SEMA5A: variants seen among roughly 807,000 people sequenced by gnomAD.
The protein encoded by SEMA5A is semaphorin-5A.
A neutral mutation model predicts 135.5 loss-of-function variants in SEMA5A; 55 were observed. The ratio of observed to expected loss-of-function variants is 0.41; its 90% CI spans 0.33 to 0.51. SEMA5A has a LOEUF of 0.51. Ranked by LOEUF, SEMA5A falls within the 20% of genes least tolerant of loss-of-function variation. SEMA5A has a pLI of 0.37. For synonymous variants in SEMA5A, 580 were observed against 546.5 expected (o/e 1.06, Z -0.85); for missense variants, 1,290 against 1,419.9 (o/e 0.91, Z 1.47).
chr5:9,221,227 G>A (rs1746935933), intron 8 of SEMA5A, among the ~76,000 whole-genome samples: 1 of 151,988 alleles, frequency 6.6e-6, no homozygotes, highest in African/African-American at 2.4e-5. Context: ...CAGAACTAAG[G>A]GTGTTTGTTT....
chr5:9,400,501 A>ATTTTTTTTT lies in SEMA5A; in HGVS notation c.-77-20487_-77-20479dup, dbSNP rs1215358817. Among the ~76,000 whole-genome samples the ATTTTTTTTT allele has an allele frequency of 6.9e-5, 6 of 87,040 alleles. 1 individual carries two copies. The highest frequency in any genetic ancestry group is 2.8e-4 in the Admixed American group (2 of 7,194). The allele number at this position is 87,040 out of a possible 152,430, so 57.1% of individuals were successfully genotyped here. A position where few individuals can be genotyped will look rare whatever the true frequency, so the allele number is the denominator to read the frequency against. On this transcript the variant is annotated intron_variant, in intron 2 of 22. Coordinates refer to ENST00000382496, the MANE Select transcript of SEMA5A (RefSeq NM_003966.3). ...CTTCAATAGTTTGAACACAATGTACATTTTTTTTTTTTTTTTTTTTTTTGA... is the reference window on the plus strand; with the variant it reads ...CTTCAATAGTTTGAACACAATGTACATTTTTTTTTTTTTTTTTTTTTTTTTTTTTTTTGA...
At chr5:9,155,863 A>G (rs1742926583) in intron 11 of SEMA5A, among the ~76,000 whole-genome samples, 1 of 152,232 alleles carries the variant, frequency 6.6e-6, no homozygotes, top group Non-Finnish European at 1.5e-5. Context: ...GCCTGAATTT[A>G]CTTTAAAAAG....
At chr5:9,308,545 T>C (rs1751978191) in intron 5 of SEMA5A, among the ~76,000 whole-genome samples, 2 of 152,158 alleles carry the variant, frequency 1.3e-5, no homozygotes, top group South Asian at 4.1e-4. Context: ...ATCACATGCT[T>C]GAGAACCCCT....
chr5:9,347,002 T>C (rs1335848263), intron 3 of SEMA5A, among the ~76,000 whole-genome samples: 6 of 151,950 alleles, frequency 3.9e-5, no homozygotes. Flanking sequence ...AAAAATTATC[T>C]CAAAAAATGT....
intron 13 of SEMA5A, among the ~76,000 whole-genome samples, chr5:9,133,685 AG>A (rs1317986668): frequency 6.6e-6 from 1 of 152,182 alleles, no homozygotes; most frequent in East Asian, 1.9e-4. Context: ...TAAGGTCAGA[AG>A]GCAACAAGGA....
intron 2 of SEMA5A, among the ~76,000 whole-genome samples, chr5:9,405,399 A>G (rs149852643): frequency 3.7e-4 from 57 of 152,342 alleles, no homozygotes; most frequent in African/African-American, 1.2e-3. Context: ...AGCAATGTCT[A>G]AAGTCCAAAG....
intron 11 of SEMA5A, among the ~76,000 whole-genome samples, chr5:9,180,754 GA>G (rs774897913): frequency 1.3e-5 from 2 of 150,482 alleles, no homozygotes; most frequent in African/African-American, 2.5e-5. Flanking sequence ...TTTTAGATAG[GA>G]ACCTGAAAAC....
intron 16 of SEMA5A, among the ~76,000 whole-genome samples, chr5:9,073,042 A>G (rs1158165935): frequency 2.6e-5 from 4 of 152,228 alleles, no homozygotes; most frequent in Non-Finnish European, 4.4e-5. Flanking sequence ...TGTAACATAC[A>G]AAATATTTGC....
intron 3 of SEMA5A, among the ~76,000 whole-genome samples, chr5:9,345,913 A>G (rs1753845085): frequency 6.6e-6 from 1 of 152,212 alleles, no homozygotes; most frequent in African/African-American, 2.4e-5. Flanking sequence ...ATACATATAG[A>G]CACACATATA....
At chr5:9,307,791 A>G (rs1337159668) in intron 5 of SEMA5A, among the ~76,000 whole-genome samples, 1 of 152,174 alleles carries the variant, frequency 6.6e-6, no homozygotes, top group Non-Finnish European at 1.5e-5. Flanking sequence ...AGATAAATGA[A>G]ATGAACTCCT....
chr5:9,094,002 C>G (rs1236723818), intron 16 of SEMA5A, among the ~76,000 whole-genome samples: 2 of 152,206 alleles, frequency 1.3e-5, no homozygotes, highest in Admixed American at 1.3e-4. Flanking sequence ...CCCTCACTTC[C>G]TCCTCCTCAT....
At chr5:9,162,714 A>C (rs1269032767) in intron 11 of SEMA5A, among the ~76,000 whole-genome samples, 1 of 151,598 alleles carries the variant, frequency 6.6e-6, no homozygotes, top group African/African-American at 2.4e-5. Flanking sequence ...TCTAAATTTG[A>C]ACCTTCTTTC....
chr5:9,521,783 C>T (rs761306430), intron 1 of SEMA5A, among the ~76,000 whole-genome samples: 6 of 152,164 alleles, frequency 3.9e-5, no homozygotes, highest in Admixed American at 1.3e-4. Context: ...TAATAAAGCA[C>T]GCGCTCCCTG....
Position 9,311,492 on chromosome 5 carries a change from G to A in SEMA5A, c.270+6880C>T, listed in dbSNP as rs1450753261. Among the ~76,000 whole-genome samples the A allele has an allele frequency of 3.4e-5, 5 of 145,148 alleles. No homozygotes were observed. In the South Asian group the frequency reaches 6.5e-4, roughly 19 times the overall value. Reference sequence around the variant, plus strand: ...ATCATTCCCAGTAAACTATCGCAAGGACAAAAAAACAAACACCACATGTTC... The same window carrying A: ...ATCATTCCCAGTAAACTATCGCAAGAACAAAAAAACAAACACCACATGTTC... On this transcript the variant is annotated intron_variant, in intron 5 of 22. Coordinates refer to ENST00000382496, the MANE Select transcript of SEMA5A (RefSeq NM_003966.3).
rs181686580 is a variant in SEMA5A at position 9,433,432 on chromosome 5, G to A, written c.-78+4324C>T. On this transcript the variant is annotated intron_variant, in intron 2 of 22. Transcript: ENST00000382496. ...ATAAAGCAAACAAGCAAATGAAATAGCGGAAAAAACAGTGACAATAATGAG... is the reference window on the plus strand; with the variant it reads ...ATAAAGCAAACAAGCAAATGAAATAACGGAAAAAACAGTGACAATAATGAG... Among the ~76,000 whole-genome samples, 7 of 151,878 alleles carry A rather than the reference G, an allele frequency of 4.6e-5. No homozygotes were observed. In the East Asian group the frequency reaches 1.4e-3, roughly 29 times the overall value.
At chr5:9,250,474 T>C (rs1380500948) in intron 5 of SEMA5A, among the ~76,000 whole-genome samples, 1 of 152,104 alleles carries the variant, frequency 6.6e-6, no homozygotes, top group Non-Finnish European at 1.5e-5. Flanking sequence ...AATAAGACAG[T>C]AAATCTTCCA....
rs555433035 is a variant in SEMA5A, at chr5:9,412,896, G to A, written c.-78+24860C>T. On this transcript the variant is annotated intron_variant, in intron 2 of 22. Coordinates refer to ENST00000382496, the MANE Select transcript of SEMA5A (RefSeq NM_003966.3). Reference sequence around the variant, plus strand: ...GACTTTAGTTTTTTAGATTAGAGATGCTCATCCTGCATTTTCTTGTATAAA... The same window carrying A: ...GACTTTAGTTTTTTAGATTAGAGATACTCATCCTGCATTTTCTTGTATAAA... 2.0e-5 allele frequency among the ~76,000 whole-genome samples: 3 copies of A among 152,204 alleles called. No individual in the cohort carries two copies. In the East Asian group the frequency reaches 5.8e-4, roughly 29 times the overall value.
At chr5:9,232,664 A>G (rs1036569164) in intron 6 of SEMA5A, among the ~76,000 whole-genome samples, 46 of 152,328 alleles carry the variant, frequency 3.0e-4, no homozygotes, top group African/African-American at 1.1e-3. Context: ...AAAATATACT[A>G]TACTGTATAT....
At chr5:9,265,432 AC>A (rs1434249597) in intron 5 of SEMA5A, 1 of 456,056 alleles carries the variant, frequency 2.2e-6, no homozygotes, top group Non-Finnish European at 4.4e-6. Flanking sequence ...CAGGCATCCT[AC>A]CTTCCTTCCA....
Sources: gnomAD v4.1 joint callset for allele counts (sites outside exome capture counted in the v4.1 genomes callset) on GRCh38, gnomAD v4.1.1 for gene constraint, MANE v1.5 for transcripts, NCBI Gene and HGNC (gene_info 2026-07-23, HGNC 2026-07-21) for gene names.